IGSF21: variants seen among roughly 807,000 people sequenced by gnomAD.
IGSF21 encodes the protein immunoglobin superfamily member 21, also known as immunoglobulin superfamily member 21.
A neutral mutation model predicts 46.8 loss-of-function variants in IGSF21; 28 were observed. The observed-to-expected ratio is 0.60, with a 90% CI of 0.44 to 0.82. The LOEUF is 0.82. IGSF21 is among the 40% of genes least tolerant of loss of function. The pLI is 0.00. For synonymous variants in IGSF21, 284 were observed against 273.6 expected (o/e 1.04, Z -0.38); for missense variants, 624 against 665.5 (o/e 0.94, Z 0.69).
chr1:18,198,389 C>A (rs1383481412), intron 1 of IGSF21, among the ~76,000 whole-genome samples: 1 of 152,138 alleles, frequency 6.6e-6, no homozygotes, highest in Non-Finnish European at 1.5e-5. Context: ...CGTAGGGTGG[C>A]CCTGCCCATG....
intron 1 of IGSF21, among the ~76,000 whole-genome samples, chr1:18,166,283 T>A (rs745442079): frequency 4.6e-5 from 7 of 152,228 alleles, no homozygotes; most frequent in Non-Finnish European, 7.3e-5. Flanking sequence ...AATTTGAATA[T>A]CTGAAATCAG....
At chr1:18,246,669 T>A (rs1179214815) in intron 2 of IGSF21, among the ~76,000 whole-genome samples, 1 of 152,182 alleles carries the variant, frequency 6.6e-6, no homozygotes, top group Admixed American at 6.5e-5. Context: ...TGGGACATCT[T>A]TTATTAATTC....
intron 2 of IGSF21, among the ~76,000 whole-genome samples, chr1:18,246,602 AC>A: frequency 6.6e-6 from 1 of 152,130 alleles, no homozygotes; most frequent in South Asian, 2.1e-4. Context: ...GGGGTGCCTG[AC>A]TGAGAAGGCA....
chr1:18,306,598 C>T (rs961078962), intron 3 of IGSF21, among the ~76,000 whole-genome samples: 6 of 152,210 alleles, frequency 3.9e-5, no homozygotes, highest in African/African-American at 1.4e-4. Flanking sequence ...TGGCACCAGG[C>T]AGCCCCTCCC....
At chr1:18,300,526 G>T (rs2085350725) in intron 3 of IGSF21, among the ~76,000 whole-genome samples, 1 of 152,212 alleles carries the variant, frequency 6.6e-6, no homozygotes, top group Non-Finnish European at 1.5e-5. Context: ...AGGCCAGAGT[G>T]AACTCACAGG....
chr1:18,125,540 G>T (rs2086267793), intron 1 of IGSF21, among the ~76,000 whole-genome samples: 1 of 152,224 alleles, frequency 6.6e-6, no homozygotes, highest in Admixed American at 6.5e-5. Context: ...AGCCATACCT[G>T]CTCAGGGAAG....
At chr1:18,199,413 A>C (rs2087044553) in intron 1 of IGSF21, among the ~76,000 whole-genome samples, 1 of 152,160 alleles carries the variant, frequency 6.6e-6, no homozygotes, top group Non-Finnish European at 1.5e-5. Flanking sequence ...TCCCCATTAC[A>C]ACAACGGCTA....
At chr1:18,340,775 TC>T (rs1183322778) in intron 4 of IGSF21, among the ~76,000 whole-genome samples, 1 of 152,080 alleles carries the variant, frequency 6.6e-6, no homozygotes, top group Non-Finnish European at 1.5e-5. Context: ...TCCTTGGAGT[TC>T]CCTGGCTTAT....
At chr1:18,176,677 G>A (rs569256204) in intron 1 of IGSF21, among the ~76,000 whole-genome samples, 8 of 152,338 alleles carry the variant, frequency 5.3e-5, no homozygotes, top group Non-Finnish European at 1.2e-4. Context: ...CACCATGGAA[G>A]ACTTTCCTCC....
intron 4 of IGSF21, among the ~76,000 whole-genome samples, chr1:18,348,679 C>G (rs565313066): frequency 9.9e-5 from 15 of 152,198 alleles, no homozygotes; most frequent in Admixed American, 7.2e-4. Flanking sequence ...GCAGGGATCA[C>G]AGCCTGAGGA....
At chr1:18,255,593 T>TTCCCTC (rs1480453842) in intron 2 of IGSF21, among the ~76,000 whole-genome samples, 2 of 152,056 alleles carry the variant, frequency 1.3e-5, no homozygotes, top group African/African-American at 4.8e-5. Context: ...TTCTAAATCA[T>TTCCCTC]TCCCTCTTTC....
At chr1:18,121,213 C>T (rs1261408862) in intron 1 of IGSF21, among the ~76,000 whole-genome samples, 1 of 152,158 alleles carries the variant, frequency 6.6e-6, no homozygotes, top group Non-Finnish European at 1.5e-5. Context: ...AGTAACTTAG[C>T]ACTTTGGACC....
intron 1 of IGSF21, among the ~76,000 whole-genome samples, chr1:18,226,305 C>G (rs921178365): frequency 1.3e-5 from 2 of 152,212 alleles, no homozygotes; most frequent in Admixed American, 1.3e-4. Flanking sequence ...CTCACCCTCA[C>G]TGCTTGTTCC....
At chr1:18,189,928 C>T (rs2086938697) in intron 1 of IGSF21, among the ~76,000 whole-genome samples, 1 of 152,196 alleles carries the variant, frequency 6.6e-6, no homozygotes, top group South Asian at 2.1e-4. Flanking sequence ...CAATGCCACT[C>T]CAGGCTTGTG....
At chr1:18,376,057 A>T in intron 6 of IGSF21, 1 of 412,354 alleles carries the variant, frequency 2.4e-6, no homozygotes. Context: ...GAACCCCCCA[A>T]GAGCAGGAAT....
Position 18,372,822 on chromosome 1 carries a change from T to TTGGATGGA in IGSF21, c.1016-3452_1016-3445dup, listed in dbSNP as rs562780101. On this transcript the variant is annotated intron_variant, in intron 6 of 9. Coordinates refer to ENST00000251296, the MANE Select transcript of IGSF21 (RefSeq NM_032880.5). Reference sequence around the variant, plus strand: ...GATGGATGTTTGGAAGGATGGATATTTGGATGGATGGATGGATGGATGGAT... The same window carrying TTGGATGGA: ...GATGGATGTTTGGAAGGATGGATATTTGGATGGATGGATGGATGGATGGATGGATGGAT... Among the ~76,000 whole-genome samples, 167 of 110,584 alleles carry TTGGATGGA rather than the reference T, an allele frequency of 1.5e-3. 1 individual carries two copies. Among genetic ancestry groups the TTGGATGGA allele is most frequent in the African/African-American group, 3.8e-3 (107 of 28,332 alleles). 72.5% of individuals were successfully genotyped at this position (110,584 alleles called of 152,430 possible).
At chr1:18,312,678 A>G (rs2085500941) in intron 3 of IGSF21, among the ~76,000 whole-genome samples, 1 of 152,138 alleles carries the variant, frequency 6.6e-6, no homozygotes, top group Non-Finnish European at 1.5e-5. Context: ...GTCTCCCTCC[A>G]ATAAGGACAT....
At chr1:18,213,480 C>T (rs1025196844) in intron 1 of IGSF21, among the ~76,000 whole-genome samples, 2 of 152,174 alleles carry the variant, frequency 1.3e-5, no homozygotes, top group African/African-American at 2.4e-5. Flanking sequence ...GCCCTCCCCA[C>T]CCTGGTGATG....
intron 2 of IGSF21, among the ~76,000 whole-genome samples, chr1:18,229,948 C>A (rs1417768812): frequency 6.6e-6 from 1 of 152,194 alleles, no homozygotes; most frequent in Admixed American, 6.5e-5. Flanking sequence ...AATATGGAGA[C>A]CCAGTGGGAA....
Sources: gnomAD v4.1 joint callset for allele counts (sites outside exome capture counted in the v4.1 genomes callset) on GRCh38, gnomAD v4.1.1 for gene constraint, MANE v1.5 for transcripts, NCBI Gene and HGNC (gene_info 2026-07-23, HGNC 2026-07-21) for gene names.